The following ELP3 variants were observed in gnomAD, a reference collection of about 807,000 sequenced individuals.
ELP3 encodes the protein elongator complex protein 3.
In ELP3, 56 loss-of-function variants were observed where a neutral mutation model predicts 74.9. The observed-to-expected ratio is 0.75, with a 90% CI of 0.60 to 0.93. ELP3 has a LOEUF of 0.93. ELP3 is among the 40% of genes least tolerant of loss of function. ELP3 has a pLI of 0.00. For synonymous variants in ELP3, 222 were observed against 239.8 expected (o/e 0.93, Z 0.68); for missense variants, 573 against 686.5 (o/e 0.83, Z 1.85).
chr8:28,121,906 T>C (rs1223027222), intron 7 of ELP3, among the ~76,000 whole-genome samples: 1 of 152,246 alleles, frequency 6.6e-6, no homozygotes, highest in East Asian at 1.9e-4. Flanking sequence ...GGCGTCTCTG[T>C]CTTGTTCCCA....
chr8:28,110,648 T>G (rs1049142550), intron 6 of ELP3: 3 of 472,016 alleles, frequency 6.4e-6, no homozygotes, highest in Admixed American at 3.9e-5. Flanking sequence ...ATTTATTGTT[T>G]AAGGGTTTTA....
chr8:28,172,121 T>A (rs1025175488), intron 14 of ELP3, among the ~76,000 whole-genome samples: 5 of 152,106 alleles, frequency 3.3e-5, no homozygotes, highest in African/African-American at 1.2e-4. Context: ...AGATTGTTTT[T>A]GGCGATCCCG....
chr8:28,146,394 A>G (rs942673251), intron 10 of ELP3, among the ~76,000 whole-genome samples: 1 of 152,228 alleles, frequency 6.6e-6, no homozygotes, highest in Admixed American at 6.5e-5. Context: ...GCAGACAAAA[A>G]AAGGCCTAGA....
intron 5 of ELP3, among the ~76,000 whole-genome samples, chr8:28,108,463 T>C (rs1002592839): frequency 6.8e-6 from 1 of 146,942 alleles, no homozygotes; most frequent in Non-Finnish European, 1.5e-5. Flanking sequence ...TTTTCTTTTT[T>C]TTTTTTTTTT....
At position 28,108,033 on chromosome 8, in the gene ELP3, A is replaced by G. The variant is rs912631345; in HGVS notation, c.393+57A>G. On this transcript the variant is annotated intron_variant, in intron 5 of 14. Coordinates refer to ENST00000256398, the MANE Select transcript of ELP3 (RefSeq NM_018091.6). ...TGTTGCATCATGCTTTACCTGTAGT[A>G]TGGTTTTACCAGTACTGGCTTTCTG... is the stretch of plus-strand genomic sequence containing the variant. 2.0e-5 allele frequency: 30 copies of G among 1,466,646 alleles called. No homozygotes were observed. The Admixed American group carries it at 5.0e-4, about 25-fold the overall frequency. 90.9% of individuals were successfully genotyped at this position (1,466,646 alleles called of 1,614,324 possible).
chr8:28,110,035 CT>C (rs1351944174), intron 5 of ELP3, among the ~76,000 whole-genome samples: 1 of 152,112 alleles, frequency 6.6e-6, no homozygotes, highest in Non-Finnish European at 1.5e-5. Flanking sequence ...TTAAAAGTTA[CT>C]TTATTATATG....
chr8:28,118,200 C>A (rs1043129559), intron 7 of ELP3, among the ~76,000 whole-genome samples: 1 of 152,038 alleles, frequency 6.6e-6, no homozygotes, highest in African/African-American at 2.4e-5. Flanking sequence ...GTATTGTGAC[C>A]TATGAGTCAG....
At chr8:28,185,464 A>G (rs1815199180) in intron 14 of ELP3, among the ~76,000 whole-genome samples, 1 of 152,244 alleles carries the variant, frequency 6.6e-6, no homozygotes, top group Non-Finnish European at 1.5e-5. Context: ...CCAGACACTG[A>G]TGATAGAAGC....
rs1563280308 is a variant in ELP3 at position 28,160,354 on chromosome 8, C to A, written c.1383C>A (p.Phe461Leu). The change falls in exon 13 of 15, where the codon TTC becomes TTA. Residue 461 changes from phenylalanine to leucine, a missense_variant. Phe to Leu is a conservative substitution (Grantham distance 22, BLOSUM62 0). Transcript: ENST00000256398. ...TACGCAAGTGTTCAGAAGAAACTTTCCGTTTCGAATTGGGTGGAGGTGTCT... is the reference window on the plus strand; with the variant it reads ...TACGCAAGTGTTCAGAAGAAACTTTACGTTTCGAATTGGGTGGAGGTGTCT... ...LRLRKCSEET[F>L]RFELGGGVSI... 6.2e-7 allele frequency: 1 copy of A among 1,614,016 alleles called. No individual in the cohort carries two copies. Among genetic ancestry groups the A allele is most frequent in the Non-Finnish European group, 8.5e-7 (1 of 1,180,024 alleles).
At chr8:28,162,485 G>A (rs373319403) in intron 14 of ELP3, among the ~76,000 whole-genome samples, 2 of 152,142 alleles carry the variant, frequency 1.3e-5, no homozygotes, top group Admixed American at 6.5e-5. Context: ...TTGCCAGTAC[G>A]AGCTGTTTAA....
At chr8:28,185,175 T>C (rs936354090) in intron 14 of ELP3, among the ~76,000 whole-genome samples, 4 of 152,204 alleles carry the variant, frequency 2.6e-5, no homozygotes, top group Non-Finnish European at 5.9e-5. Context: ...TCTGAAAGAT[T>C]TGGGGCAGTT....
chr8:28,167,613 A>G (rs1397137101), intron 14 of ELP3, among the ~76,000 whole-genome samples: 2 of 152,192 alleles, frequency 1.3e-5, no homozygotes, highest in South Asian at 2.1e-4. Context: ...GCTAATGGAC[A>G]CAGGAAGCCT....
chr8:28,142,637 C>G (rs1813288077), intron 10 of ELP3, among the ~76,000 whole-genome samples: 1 of 152,212 alleles, frequency 6.6e-6, no homozygotes, highest in African/African-American at 2.4e-5. Flanking sequence ...GTTCCTAACA[C>G]AGTAAGGCCA....
At chr8:28,097,056 G>T (rs567343859) in intron 1 of ELP3, among the ~76,000 whole-genome samples, 163 bp from the exon 2 acceptor site, 10 of 152,188 alleles carry the variant, frequency 6.6e-5, no homozygotes, top group East Asian at 1.9e-4. Context: ...AGATACAAAA[G>T]ATATGATCAA....
intron 14 of ELP3, among the ~76,000 whole-genome samples, chr8:28,169,580 A>G (rs1179788606): frequency 6.6e-6 from 1 of 152,224 alleles, no homozygotes; most frequent in Non-Finnish European, 1.5e-5. Context: ...AGGGAGGAGC[A>G]AAGGCCTGGT....
At chr8:28,159,430 A>G (rs1047186218) in intron 12 of ELP3, among the ~76,000 whole-genome samples, 6 of 152,248 alleles carry the variant, frequency 3.9e-5, no homozygotes, top group African/African-American at 1.4e-4. Context: ...ATTGTTGAGA[A>G]GGAATATGTG....
intron 14 of ELP3, among the ~76,000 whole-genome samples, chr8:28,172,862 T>A (rs1814586148): frequency 6.6e-6 from 1 of 152,128 alleles, no homozygotes; most frequent in Non-Finnish European, 1.5e-5. Context: ...TTGTGAGTTT[T>A]GTCAAATGCT....
At chr8:28,090,641 C>T (rs1047108442), upstream of ELP3, among the ~76,000 whole-genome samples, 10 of 152,100 alleles carry the variant, frequency 6.6e-5, no homozygotes, top group African/African-American at 2.4e-4. Flanking sequence ...TTCTTCTCCC[C>T]TCACGCATAT....
intron 5 of ELP3, among the ~76,000 whole-genome samples, chr8:28,108,555 C>G (rs1014464371): frequency 1.4e-5 from 2 of 143,280 alleles, no homozygotes; most frequent in Non-Finnish European, 3.0e-5. Context: ...CTCCTGGGTT[C>G]AAGTGATTCT....
Sources: allele counts gnomAD v4.1 joint callset (sites outside exome capture counted in the v4.1 genomes callset), GRCh38; gene constraint gnomAD v4.1.1; transcripts MANE v1.5; gene names NCBI Gene and HGNC (gene_info 2026-07-23, HGNC 2026-07-21).